RNF144A: variants seen among roughly 807,000 people sequenced by gnomAD.
The protein encoded by RNF144A is ring finger protein 144A.
In RNF144A, 11 loss-of-function variants were observed where a neutral mutation model predicts 38.7. The observed-to-expected ratio is 0.28, with a 90% confidence interval of 0.18 to 0.47. The LOEUF (loss-of-function observed/expected upper bound fraction) is 0.47. Ranked by LOEUF, RNF144A falls within the 20% of genes least tolerant of loss-of-function variation. The probability of loss-of-function intolerance (pLI) is 0.99; values close to 1 mark genes in which losing one functional copy is unlikely to be tolerated. For missense variants in RNF144A, 316 were observed against 377.2 expected (o/e 0.84, Z 1.34); for synonymous variants, 149 against 143.9 (o/e 1.04, Z -0.25).
At chr2:7,054,685 C>G (rs1458546993) in intron 6 of RNF144A, among the ~76,000 whole-genome samples, 1 of 152,156 alleles carries the variant, frequency 6.6e-6, no homozygotes, top group African/African-American at 2.4e-5. Flanking sequence ...GTCTTTTCCA[C>G]CATGAGAGGA....
In RNF144A at chr2:6,941,790, A is replaced by G. The variant is rs771308; in HGVS notation, c.-12+643A>G. On this transcript the variant is annotated intron_variant, in intron 2 of 8. Coordinates refer to ENST00000320892, the MANE Select transcript of RNF144A (RefSeq NM_014746.6). The surrounding 1 kb of genome is among the most constrained non-coding windows in gnomAD (Gnocchi z 6.5). ...AAGGAGGCGCAGTAACTAGCCACTT[A>G]GCATCTGGGCAAGAGCGCTGTAGAC... Among the ~76,000 whole-genome samples, 141,496 of 152,344 alleles carry G rather than the reference A, an allele frequency of 0.93. 66,351 individuals carry two copies. The highest frequency in any genetic ancestry group is 0.99 in the Non-Finnish European group (67,382 of 68,046).
chr2:6,922,533 G>T (rs976958993), intron 1 of RNF144A, among the ~76,000 whole-genome samples: 2 of 152,082 alleles, frequency 1.3e-5, no homozygotes, highest in African/African-American at 2.4e-5. Context: ...GTGTGTTAAG[G>T]TCCTCTGGAG....
chr2:7,075,528 A>G, the RNF144A span, among the ~76,000 whole-genome samples: 1 of 152,194 alleles, frequency 6.6e-6, no homozygotes, highest in Non-Finnish European at 1.5e-5. Context: ...CAGGGCCCTC[A>G]TGATGCAACT....
chr2:6,930,003 G>A (rs1183049621), intron 1 of RNF144A, among the ~76,000 whole-genome samples: 2 of 152,226 alleles, frequency 1.3e-5, no homozygotes, highest in African/African-American at 2.4e-5. Flanking sequence ...AAAGGATGGC[G>A]TAAGGAAAGA....
chr2:6,999,444 G>T (rs947648999), intron 3 of RNF144A, among the ~76,000 whole-genome samples: 6 of 152,120 alleles, frequency 3.9e-5, no homozygotes, highest in African/African-American at 1.2e-4. Context: ...GTCCTTTTTT[G>T]GGGGGTGCAG....
chr2:6,977,559 A>G (rs1185578840), intron 2 of RNF144A, among the ~76,000 whole-genome samples: 2 of 152,248 alleles, frequency 1.3e-5, no homozygotes, highest in African/African-American at 4.8e-5. Context: ...ATTATACCAA[A>G]TAGTTGATAT....
chr2:7,021,137 T>A (rs1304273186), intron 6 of RNF144A, among the ~76,000 whole-genome samples: 1 of 152,162 alleles, frequency 6.6e-6, no homozygotes, highest in Non-Finnish European at 1.5e-5. Context: ...CGGCCTCCCC[T>A]GCAGCCATAG....
Position 6,989,659 on chromosome 2 carries a change from A to G in RNF144A, c.-11-7257A>G, listed in dbSNP as rs147681070. Reference sequence around the variant, plus strand: ...GTAAAGTTCTGTTTTATGGGTTTTGATACGTGCAGAATGTCACATATCTGT... The same window carrying G: ...GTAAAGTTCTGTTTTATGGGTTTTGGTACGTGCAGAATGTCACATATCTGT... On this transcript the variant is annotated intron_variant, in intron 2 of 8. Coordinates refer to ENST00000320892, the MANE Select transcript of RNF144A (RefSeq NM_014746.6). Among the ~76,000 whole-genome samples, 1,286 of 152,108 alleles carry G rather than the reference A, an allele frequency of 8.5e-3. 8 individuals carry two copies. Among genetic ancestry groups the G allele is most frequent in the Middle Eastern group, 0.02 (6 of 294 alleles).
At chr2:7,056,808 T>A (rs1673758831) in intron 6 of RNF144A, among the ~76,000 whole-genome samples, 2 of 152,178 alleles carry the variant, frequency 1.3e-5, no homozygotes, top group African/African-American at 4.8e-5. Context: ...TTTGGAGGCA[T>A]CTCCTTGTGG....
Position 7,001,709 on chromosome 2 carries a change from A to G in RNF144A, c.135+4648A>G, listed in dbSNP as rs184872718. Among the ~76,000 whole-genome samples, 113 of 152,330 alleles carry G rather than the reference A, an allele frequency of 7.4e-4. 1 individual carries two copies. Among genetic ancestry groups the G allele is most frequent in the African/African-American group, 2.1e-3 (88 of 41,572 alleles). On this transcript the variant is annotated intron_variant, in intron 3 of 8. Coordinates refer to ENST00000320892, the MANE Select transcript of RNF144A (RefSeq NM_014746.6). ...AAACAAAACAAAAACGTAACATTTA[A>G]TAGACAGAATCTTTCCCGTGCAATG...
intron 8 of RNF144A, 84 bp downstream of exon 8, chr2:7,030,299 G>GTGTA (rs2103445822): frequency 1.5e-6 from 1 of 663,864 alleles, no homozygotes; most frequent in Admixed American, 2.8e-5. Context: ...GTGTGTGTGT[G>GTGTA]TGTGTGTATG....
intron 2 of RNF144A, among the ~76,000 whole-genome samples, chr2:6,949,409 T>A: frequency 7.4e-6 from 1 of 135,196 alleles, no homozygotes; most frequent in African/African-American, 2.9e-5. Context: ...CCTTTCCTTC[T>A]TTTTTTTTTT....
Position 7,042,115 on chromosome 2 carries a change from T to C in RNF144A, c.*2355T>C. 6.1e-6 allele frequency: 6 copies of C among 985,370 alleles called. No homozygotes were observed. The highest frequency in any genetic ancestry group is 7.2e-6 in the Non-Finnish European group (6 of 829,878). 61.0% of individuals were successfully genotyped at this position (985,370 alleles called of 1,614,324 possible). A position where few individuals can be genotyped will look rare whatever the true frequency, so the allele number is the denominator to read the frequency against. ...TCCTCATTTTGATCTAGATATAAAATTAAAATTGTCCATTTCCTATATAAA... is the reference window on the plus strand; with the variant it reads ...TCCTCATTTTGATCTAGATATAAAACTAAAATTGTCCATTTCCTATATAAA... On this transcript the variant is annotated 3_prime_UTR_variant, in exon 9 of 9. Coordinates refer to ENST00000320892, the MANE Select transcript of RNF144A (RefSeq NM_014746.6).
At chr2:7,074,189 C>G in the RNF144A span, among the ~76,000 whole-genome samples, 1 of 152,192 alleles carries the variant, frequency 6.6e-6, no homozygotes, top group African/African-American at 2.4e-5. Flanking sequence ...CAGCTTGTGT[C>G]ACATAAACAA....
chr2:7,031,233 C>T (rs16865853), intron 8 of RNF144A, among the ~76,000 whole-genome samples: 17,997 of 152,154 alleles, frequency 0.12, 1,814 homozygotes, highest in East Asian at 0.55. Flanking sequence ...AAAGGACCCT[C>T]GTGTTGGTTA....
chr2:6,939,814 A>G (rs1010871805), intron 1 of RNF144A, among the ~76,000 whole-genome samples: 1 of 152,110 alleles, frequency 6.6e-6, no homozygotes, highest in East Asian at 1.9e-4. Flanking sequence ...AAACACTATC[A>G]TTTACCCATT....
chr2:7,031,033 G>A lies in RNF144A; in HGVS notation c.747+818G>A, dbSNP rs528055970. Among the ~76,000 whole-genome samples the A allele has an allele frequency of 3.3e-5, 5 of 152,194 alleles. No homozygotes were observed. The East Asian group carries it at 9.6e-4, about 29-fold the overall frequency. On this transcript the variant is annotated intron_variant, in intron 8 of 8. Coordinates refer to ENST00000320892, the MANE Select transcript of RNF144A (RefSeq NM_014746.6). ...ATCTGACAGGAGGTGGGGCTCAGGC[G>A]GTAACGTGAGCAATGGGGAGCAGCT...
intron 2 of RNF144A, among the ~76,000 whole-genome samples, chr2:6,953,278 A>T (rs921229432): frequency 1.3e-5 from 2 of 152,102 alleles, no homozygotes; most frequent in Admixed American, 1.3e-4. Context: ...AAAATACAAA[A>T]ATTAGAGCGG....
intron 8 of RNF144A, among the ~76,000 whole-genome samples, chr2:7,038,778 A>T (rs992808000): frequency 2.6e-5 from 4 of 152,066 alleles, no homozygotes; most frequent in Admixed American, 2.6e-4. Context: ...TGATGGTTAG[A>T]TGGATAGATG....
Sources: allele counts gnomAD v4.1 joint callset (sites outside exome capture counted in the v4.1 genomes callset), GRCh38; gene constraint gnomAD v4.1.1; non-coding constraint Gnocchi (gnomAD v3.1); transcripts MANE v1.5; gene names NCBI Gene and HGNC (gene_info 2026-07-23, HGNC 2026-07-21).